SLC9A7: variants seen among roughly 807,000 people sequenced by gnomAD.
SLC9A7 encodes solute carrier family 9 member A7.
In SLC9A7, 19 loss-of-function variants were observed where a neutral mutation model predicts 52.6. The ratio of observed to expected loss-of-function variants is 0.36; its 90% CI spans 0.25 to 0.53. The LOEUF is 0.53. Among genes scored for constraint, SLC9A7 ranks in the 20% least tolerant of loss-of-function variants. The pLI is 0.91. For synonymous variants in SLC9A7, 226 were observed against 252.1 expected, an observed-to-expected ratio of 0.90 and a Z score of 0.98; for missense variants, 455 against 597.9, an observed-to-expected ratio of 0.76 and a Z score of 2.49.
intron 1 of SLC9A7, among the ~76,000 whole-genome samples, chrX:46,744,473 T>G (rs958221901): frequency 8.9e-6 from 1 of 112,206 alleles, no homozygotes; most frequent in Non-Finnish European, 1.9e-5. Context: ...CCAAGACAAT[T>G]TGAAGTAAAT....
chrX:46,673,330 A>T (rs745786108), intron 3 of SLC9A7, among the ~76,000 whole-genome samples: 58 of 105,495 alleles, frequency 5.5e-4, no homozygotes, highest in African/African-American at 1.9e-3. Context: ...GCTTCTGCAC[A>T]TTCATTGGTT....
rs115661176 is a variant in SLC9A7 at position 46,707,509 on chromosome X, G to A, written c.326-24974C>T. On this transcript the variant is annotated intron_variant, in intron 1 of 16. Transcript: ENST00000616978. ...TACTTGGCTGCCCTCTCAGGAAAGG[G>A]AGCCCAAGGTTCACATATTCATGGC... 5.8e-3 allele frequency among the ~76,000 whole-genome samples: 651 copies of A among 111,610 alleles called. 4 individuals are homozygous for A. The highest frequency in any genetic ancestry group is 0.02 in the African/African-American group (625 of 30,739).
At chrX:46,755,458 CA>C (rs1407987237) in intron 1 of SLC9A7, among the ~76,000 whole-genome samples, 1 of 110,901 alleles carries the variant, frequency 9.0e-6, no homozygotes, top group African/African-American at 3.3e-5. Flanking sequence ...ATTGAAAAGT[CA>C]TGAAGAAAAT....
chrX:46,621,462 C>T (rs971494131), intron 14 of SLC9A7, among the ~76,000 whole-genome samples: 1 of 111,536 alleles, frequency 9.0e-6, no homozygotes, highest in African/African-American at 3.3e-5. Flanking sequence ...ATCCTCATCC[C>T]CAAAGTAGGC....
chrX:46,684,569 G>A (rs189753275), intron 1 of SLC9A7, among the ~76,000 whole-genome samples: 1 of 112,256 alleles, frequency 8.9e-6, no homozygotes, highest in African/African-American at 3.2e-5. Context: ...GATGTCTGTA[G>A]GGAAAAGTAA....
intron 1 of SLC9A7, among the ~76,000 whole-genome samples, chrX:46,712,177 T>C (rs1385891207): frequency 9.0e-6 from 1 of 111,577 alleles, no homozygotes; most frequent in Non-Finnish European, 1.9e-5. Context: ...CAGGTTACTG[T>C]GTTAGTCTAT....
At chrX:46,659,756 C>G (rs1182221445) in intron 7 of SLC9A7, among the ~76,000 whole-genome samples, 8 of 69,163 alleles carry the variant, frequency 1.2e-4, no homozygotes, top group Admixed American at 5.4e-4. Context: ...ATTCCATGCT[C>G]ATGGGTAGGA....
chrX:46,724,838 T>A (rs1178486947), intron 1 of SLC9A7, among the ~76,000 whole-genome samples: 1 of 112,174 alleles, frequency 8.9e-6, no homozygotes, highest in Non-Finnish European at 1.9e-5. Flanking sequence ...TATAGTGTCA[T>A]AGATTTTTAA....
Position 46,601,791 on chromosome X carries a change from A to G in SLC9A7, c.*5161T>C, listed in dbSNP as rs1381097388. ...AGTTCAGGTTTCTGGTAGTTCTCAA[A>G]AAGTGTACTAAAAGGAATAGCAGCT... is the stretch of plus-strand genomic sequence containing the variant. On this transcript the variant is annotated 3_prime_UTR_variant, in exon 17 of 17. Coordinates refer to ENST00000616978, the MANE Select transcript of SLC9A7 (RefSeq NM_001257291.2). 8.9e-6 allele frequency: 1 copy of G among 112,466 alleles called. No individual in the cohort carries two copies. Among genetic ancestry groups the G allele is most frequent in the African/African-American group, 3.2e-5 (1 of 30,981 alleles). 9.3% of individuals were successfully genotyped at this position (112,466 alleles called of 1,213,427 possible). A position where few individuals can be genotyped will look rare whatever the true frequency, so the allele number is the denominator to read the frequency against.
chrX:46,613,971 T>C (rs1942902030), intron 15 of SLC9A7, among the ~76,000 whole-genome samples: 1 of 112,026 alleles, frequency 8.9e-6, no homozygotes, highest in Non-Finnish European at 1.9e-5. Context: ...TGTAAGTCTC[T>C]CAACTTCCCA....
At chrX:46,636,515 A>G (rs756470794) in intron 12 of SLC9A7, among the ~76,000 whole-genome samples, 3 of 110,339 alleles carry the variant, frequency 2.7e-5, no homozygotes, top group East Asian at 5.6e-4. Context: ...ATCTCCAGAT[A>G]CTGCCAAATA....
intron 1 of SLC9A7, among the ~76,000 whole-genome samples, chrX:46,740,886 T>C (rs1449218954): frequency 1.1e-5 from 1 of 90,206 alleles, no homozygotes; most frequent in African/African-American, 3.8e-5. Context: ...GACATGATTG[T>C]CTATGTATGA....
intron 1 of SLC9A7, among the ~76,000 whole-genome samples, chrX:46,695,772 T>C (rs1323866413): frequency 9.1e-6 from 1 of 110,055 alleles, no homozygotes; most frequent in Non-Finnish European, 1.9e-5. Context: ...CCTTAGCACA[T>C]GGAAGTGCCT....
At chrX:46,690,586 T>C (rs1944367615) in intron 1 of SLC9A7, among the ~76,000 whole-genome samples, 1 of 112,288 alleles carries the variant, frequency 8.9e-6, no homozygotes, top group African/African-American at 3.2e-5. Context: ...ACATTGTCTT[T>C]GGCAGAGCAA....
intron 1 of SLC9A7, among the ~76,000 whole-genome samples, chrX:46,716,421 T>C: frequency 8.9e-6 from 1 of 111,992 alleles, no homozygotes; most frequent in Admixed American, 9.5e-5. Context: ...CACTGGATGC[T>C]ATGAACCCTG....
chrX:46,694,152 T>A (rs1462052339), intron 1 of SLC9A7, among the ~76,000 whole-genome samples: 2 of 107,830 alleles, frequency 1.9e-5, no homozygotes, highest in Non-Finnish European at 3.8e-5. Flanking sequence ...ATCTTCTGTA[T>A]CTAAAATAAA....
intron 1 of SLC9A7, among the ~76,000 whole-genome samples, chrX:46,749,254 T>C (rs1922059485): frequency 8.9e-6 from 1 of 112,285 alleles, no homozygotes; most frequent in Non-Finnish European, 1.9e-5. Context: ...CAAAATAGAA[T>C]GCACTAAACA....
intron 12 of SLC9A7, among the ~76,000 whole-genome samples, chrX:46,640,419 C>T (rs1943388321): frequency 1.8e-5 from 2 of 112,320 alleles, no homozygotes; most frequent in Admixed American, 9.4e-5. Context: ...GGATCACAGA[C>T]TTAAATGTAC....
At position 46,679,747 on chromosome X, in the gene SLC9A7, G is replaced by A. The variant is rs368252092; in HGVS notation, c.534C>T (p.Phe178=). 13 of 1,178,150 alleles carry A rather than the reference G, an allele frequency of 1.1e-5. No individual in the cohort carries two copies. Among genetic ancestry groups the A allele is most frequent in the African/African-American group, 1.1e-4 (6 of 56,454 alleles). Residue 178 remains phenylalanine (F), a synonymous_variant, in exon 3 of 17, where the codon TTC becomes TTT. Transcript: ENST00000616978. ...EQNDMLRKVT[F]DPEVFFNILL... is the part of the protein sequence containing the mutation. ...GAATGTTGAAAAATACTTCTGGATC[G>A]AATGTTACCTGAAAGTTTAAAAAGA...
Sources: allele counts gnomAD v4.1 joint callset (sites outside exome capture counted in the v4.1 genomes callset), GRCh38; gene constraint gnomAD v4.1.1; transcripts MANE v1.5; gene names NCBI Gene and HGNC (gene_info 2026-07-23, HGNC 2026-07-21).